The following CARMIL2 variants were observed in gnomAD, a reference collection of about 807,000 sequenced individuals.
CARMIL2 encodes the protein capping protein, Arp2/3 and myosin-I linker protein 2.
CARMIL2 carries 96 observed loss-of-function variants against 173.3 expected under a neutral mutation model. The observed-to-expected ratio is 0.55, with a 90% CI of 0.47 to 0.66. The LOEUF is 0.66. Among genes scored for constraint, CARMIL2 ranks in the 30% least tolerant of loss-of-function variants. CARMIL2 has a pLI of 0.00. For synonymous variants in CARMIL2, 830 were observed against 817.1 expected (o/e 1.02, Z -0.27); for missense variants, 1,771 against 1,906.7 (o/e 0.93, Z 1.33).
Position 67,651,622 on chromosome 16 carries a change from C to G in CARMIL2, c.2428-63C>G. ...ACTCAATATTCTGTTGGAGTTGGAGCCTCAAGCCAGCAGCCTGGTGTCTGG... is the reference window on the plus strand; with the variant it reads ...ACTCAATATTCTGTTGGAGTTGGAGGCTCAAGCCAGCAGCCTGGTGTCTGG... On this transcript the variant is annotated intron_variant, in intron 24 of 37. Transcript: ENST00000334583. The surrounding 1 kb of genome is among the most constrained non-coding windows in gnomAD (Gnocchi z 4.2). The G allele has an allele frequency of 2.5e-6, 4 of 1,578,798 alleles. No homozygotes were observed. In the South Asian group the frequency reaches 4.6e-5, roughly 18 times the overall value.
chr16:67,651,457 G>T lies in CARMIL2; in HGVS notation c.2370G>T (p.Gly790=). Residue 790 remains glycine, a synonymous_variant, in exon 24 of 38, where the codon GGG becomes GGT. Coordinates refer to ENST00000334583, the MANE Select transcript of CARMIL2 (RefSeq NM_001013838.3). The surrounding 1 kb of genome is among the most constrained non-coding windows in gnomAD (Gnocchi z 4.2). ...GSSPSHHWQL[G]QKLEGLLRQV... is the part of the protein sequence containing the mutation. ...CCCCAAGCCATCACTGGCAGCTTGG[G>T]CAGAAGCTGGAGGGCCTTCTGAGAC... The T allele has an allele frequency of 6.3e-7, 1 of 1,599,182 alleles. No homozygotes were observed. Among genetic ancestry groups the T allele is most frequent in the East Asian group, 2.2e-5 (1 of 44,684 alleles).
In CARMIL2 at chr16:67,647,269, G is replaced by T. The variant is rs781550019; in HGVS notation, c.688-30G>T. 3 of 1,610,418 alleles carry T rather than the reference G, an allele frequency of 1.9e-6. No individual in the cohort carries two copies. The Admixed American group carries it at 5.0e-5, about 27-fold the overall frequency. ...GCAGCCCGCTGAGGGCCAGGGTGCA[G>T]CCCGTGAGCCGCCGCCCTCTGCTTC... On this transcript the variant is annotated intron_variant, in intron 9 of 37. Transcript: ENST00000334583.
In CARMIL2 at chr16:67,648,036, C is replaced by T; in HGVS notation, c.1072-16C>T. The T allele has an allele frequency of 6.2e-7, 1 of 1,610,504 alleles. No homozygotes were observed. The highest frequency in any genetic ancestry group is 1.1e-5 in the South Asian group (1 of 90,238). ...AGGCGATCCCCCACTCCATCGCACC[C>T]CTGTCCTCCCTCCAGGGCCTCTATA... On this transcript the variant is annotated splice_polypyrimidine_tract_variant and intron_variant, in intron 13 of 37. Transcript: ENST00000334583. This position sits in a 1 kb window ranked among gnomAD's most constrained non-coding sequence, Gnocchi z 6.1.
Position 67,646,882 on chromosome 16 carries a change from C to A in CARMIL2, c.538-18C>A, listed in dbSNP as rs751484447. ...CTTGTGGCCCCAGGCGAACTGTAAG[C>A]ATCTCCTTCTCACCCAGGACGTGGA... On this transcript the variant is annotated intron_variant, in intron 7 of 37. Coordinates refer to ENST00000334583, the MANE Select transcript of CARMIL2 (RefSeq NM_001013838.3). The surrounding 1 kb of genome is among the most constrained non-coding windows in gnomAD (Gnocchi z 4.6). The A allele has an allele frequency of 7.4e-6, 12 of 1,613,780 alleles. No individual in the cohort carries two copies. The South Asian group carries it at 1.3e-4, about 18-fold the overall frequency.
chr16:67,648,046 C>T lies in CARMIL2; in HGVS notation c.1072-6C>T, dbSNP rs1422016432. 6.2e-7 allele frequency: 1 copy of T among 1,611,336 alleles called. No individual in the cohort carries two copies. The highest frequency in any genetic ancestry group is 1.3e-5 in the African/African-American group (1 of 74,968). The stretch of plus-strand genomic sequence containing the variant: ...CCACTCCATCGCACCCCTGTCCTCC[C>T]TCCAGGGCCTCTATAGCTTCCTGAG... On this transcript the variant is annotated splice_polypyrimidine_tract_variant and splice_region_variant and intron_variant, in intron 13 of 37. Transcript: ENST00000334583. The surrounding 1 kb of genome is among the most constrained non-coding windows in gnomAD (Gnocchi z 6.1).
chr16:67,654,820 T>G lies in CARMIL2; in HGVS notation c.3625T>G (p.Phe1209Val). The G allele has an allele frequency of 6.2e-7, 1 of 1,613,638 alleles. No homozygotes were observed. The highest frequency in any genetic ancestry group is 8.5e-7 in the Non-Finnish European group (1 of 1,179,886). The change falls in exon 32 of 38, where the codon TTT (phenylalanine) becomes GTT (valine). Residue 1209 changes from phenylalanine (F) to valine (V), a missense_variant. By Grantham distance (50) the Phe-to-Val change is conservative. This residue lies in a region of CARMIL2 where 817 missense variants were observed against 903.5 expected (regional missense o/e 0.90). Coordinates refer to ENST00000334583, the MANE Select transcript of CARMIL2 (RefSeq NM_001013838.3). ...ERGETELAPS[F>V]EQRVQVMLQR... is the part of the protein sequence containing the mutation. ...GGGAGAAACAGAACTGGCTCCATCCTTTGAACAGCGGGTACAAGTAATGCT... is the reference window on the plus strand; with the variant it reads ...GGGAGAAACAGAACTGGCTCCATCCGTTGAACAGCGGGTACAAGTAATGCT...
chr16:67,648,082 G>A lies in CARMIL2; in HGVS notation c.1102G>A (p.Val368Ile), dbSNP rs1368187867. 3.1e-6 allele frequency: 5 copies of A among 1,612,576 alleles called. No individual in the cohort carries two copies. Among genetic ancestry groups the A allele is most frequent in the South Asian group, 1.1e-5 (1 of 90,788 alleles). Residue 368 changes from valine (V) to isoleucine (I), a missense_variant, in exon 14 of 38, where the codon GTA (valine) becomes ATA (isoleucine). By Grantham distance (29) the Val-to-Ile change is conservative. This residue lies in a region of CARMIL2 where 944 missense variants were observed against 975.6 expected (regional missense o/e 0.97). Transcript: ENST00000334583. This position sits in a 1 kb window ranked among gnomAD's most constrained non-coding sequence, Gnocchi z 6.1. Reference protein sequence around the residue: ...GLYSFLSRPNVLSFLNLAGTD... With the variant: ...GLYSFLSRPNILSFLNLAGTD... ...CTATAGCTTCCTGAGCCGTCCTAAC[G>A]TACTGTCGTTCCTGAATCTCGCAGG...
At chr16:67,650,337 C>G (rs1396495330) in intron 22 of CARMIL2, 187 bp downstream of exon 22, 1 of 596,406 alleles carries the variant, frequency 1.7e-6, no homozygotes, top group Non-Finnish European at 3.0e-6. Flanking sequence ...CCAAATAACA[C>G]CCTTGGCTGC....
At chr16:67,655,429 CAAAA>C (rs1384533328) in intron 32 of CARMIL2, among the ~76,000 whole-genome samples, 1 of 151,836 alleles carries the variant, frequency 6.6e-6, no homozygotes, top group African/African-American at 2.4e-5. Context: ...AGACTCATCT[CAAAA>C]AAAGAAAAAG....
In CARMIL2 at chr16:67,651,415, A is replaced by G. The variant is rs372492301; in HGVS notation, c.2328A>G (p.Leu776=). ...ANFSLSILPI[L]YEAGSSPSHH... ...TTGGCCCTCAGATTCTCCCCATTCTATATGAAGCTGGAAGCTCCCCAAGCC... is the reference window on the plus strand; with the variant it reads ...TTGGCCCTCAGATTCTCCCCATTCTGTATGAAGCTGGAAGCTCCCCAAGCC... The change falls in exon 24 of 38, where the codon CTA becomes CTG. Residue 776 remains leucine (L), a synonymous_variant. Transcript: ENST00000334583. The surrounding 1 kb of genome is among the most constrained non-coding windows in gnomAD (Gnocchi z 4.2). 29 of 1,590,468 alleles carry G rather than the reference A, an allele frequency of 1.8e-5. No homozygotes were observed. The highest frequency in any genetic ancestry group is 8.1e-5 in the African/African-American group (6 of 74,288).
intron 29 of CARMIL2, 67 bp from the exon 30 acceptor site, chr16:67,654,082 G>GGGT: frequency 4.8e-6 from 1 of 208,996 alleles, no homozygotes. Flanking sequence ...CTGCCGGCCG[G>GGGT]GGGGGGGGGG....
Position 67,649,510 on chromosome 16 carries a change from G to A in CARMIL2, c.1810G>A (p.Ala604Thr). ...LKLGASVLLR[A>T]LATNPNLTAL... Reference sequence around the variant, plus strand: ...GCTGGGTGCCAGCGTCCTACTCCGGGCCCTAGCCACCAATCCTAACCTGAC... The same window carrying A: ...GCTGGGTGCCAGCGTCCTACTCCGGACCCTAGCCACCAATCCTAACCTGAC... The change falls in exon 20 of 38, where the codon GCC (alanine) becomes ACC (threonine). Residue 604 changes from alanine to threonine, a missense_variant. Ala to Thr is a moderately conservative substitution (Grantham distance 58). Around this residue, in one of 3 missense-constraint regions of CARMIL2, gnomAD observed 944 missense variants for 975.6 expected, o/e 0.97. Transcript: ENST00000334583. This position sits in a 1 kb window ranked among gnomAD's most constrained non-coding sequence, Gnocchi z 6.7. The A allele has an allele frequency of 6.2e-7, 1 of 1,608,828 alleles. No homozygotes were observed.
chr16:67,648,457 G>A lies in CARMIL2; in HGVS notation c.1394G>A (p.Arg465Gln). ...TTCCTCAGCCGCGCGCGGACGCTGC[G>A]GCACCTGGGCCTGGCGGGCTGCAAG... Reference protein sequence around the residue: ...QLFLSRARTLRHLGLAGCKLP... With the variant: ...QLFLSRARTLQHLGLAGCKLP... The change falls in exon 15 of 38, where the codon CGG (arginine) becomes CAG (glutamine). Residue 465 changes from arginine to glutamine, a missense_variant. Physicochemically the swap from Arg to Gln is conservative, Grantham distance 43. This residue lies in a region of CARMIL2 where 944 missense variants were observed against 975.6 expected (regional missense o/e 0.97). Transcript: ENST00000334583. The surrounding 1 kb of genome is among the most constrained non-coding windows in gnomAD (Gnocchi z 6.1). The A allele has an allele frequency of 1.4e-6, 2 of 1,451,966 alleles. No homozygotes were observed. Among genetic ancestry groups the A allele is most frequent in the South Asian group, 1.4e-5 (1 of 70,602 alleles). 89.9% of individuals were successfully genotyped at this position (1,451,966 alleles called of 1,614,324 possible).
In CARMIL2 at chr16:67,651,299, C is replaced by T. The variant is rs747951215; in HGVS notation, c.2297C>T (p.Ala766Val). 9 of 1,613,492 alleles carry T rather than the reference C, an allele frequency of 5.6e-6. No homozygotes were observed. Among genetic ancestry groups the T allele is most frequent in the Non-Finnish European group, 6.8e-6 (8 of 1,179,854 alleles). ...VRQAEDAIQN[A>V]NFSLSILPIL... ...CAGGCCGAGGATGCCATCCAAAATG[C>T]CAACTTCTCTCTCAGCGTGAGCACT... is the stretch of plus-strand genomic sequence containing the variant. The change falls in exon 23 of 38, where the codon GCC becomes GTC. Residue 766 changes from alanine to valine, a missense_variant. Ala to Val is a moderately conservative substitution (Grantham distance 64). This residue lies in a region of CARMIL2 where 817 missense variants were observed against 903.5 expected (regional missense o/e 0.90). Coordinates refer to ENST00000334583, the MANE Select transcript of CARMIL2 (RefSeq NM_001013838.3). The surrounding 1 kb of genome is among the most constrained non-coding windows in gnomAD (Gnocchi z 4.2).
Position 67,656,536 on chromosome 16 carries a change from T to C in CARMIL2, c.3927T>C (p.Asp1309=), listed in dbSNP as rs777930828. 1 of 1,613,472 alleles carries C rather than the reference T, an allele frequency of 6.2e-7. No individual in the cohort carries two copies. The highest frequency in any genetic ancestry group is 1.1e-5 in the South Asian group (1 of 91,068). ...GGAGCCGTGGTTGGGGCCAACAGGA[T>C]GGTCCAGGCCCTCCCTCCCCTGGTC... is the stretch of plus-strand genomic sequence containing the variant. The part of the protein sequence containing the change: ...ELRSRGWGQQ[D]GPGPPSPGQS... Residue 1309 remains aspartate (D), a synonymous_variant, in exon 35 of 38, where the codon GAT becomes GAC. Coordinates refer to ENST00000334583, the MANE Select transcript of CARMIL2 (RefSeq NM_001013838.3).
rs2052751560 is a variant in CARMIL2, at chr16:67,652,784, A to G, written c.2885-235A>G. On this transcript the variant is annotated intron_variant, in intron 28 of 37. Coordinates refer to ENST00000334583, the MANE Select transcript of CARMIL2 (RefSeq NM_001013838.3). The surrounding 1 kb of genome is among the most constrained non-coding windows in gnomAD (Gnocchi z 4.7). ...CTCGCCTCCCCGCGCCCCTTTCCCT[A>G]CCCCAGGGACGCGCATGCTGGGCGG... 6.6e-6 allele frequency among the ~76,000 whole-genome samples: 1 copy of G among 150,938 alleles called. No individual in the cohort carries two copies. Among genetic ancestry groups the G allele is most frequent in the South Asian group, 2.1e-4 (1 of 4,796 alleles).
rs1213365347 is a variant in CARMIL2, at chr16:67,651,090, C to T, written c.2185-97C>T. ...GTGGCTGGTCTAAGGGTGTCAGCTT[C>T]AGGACCTCCCTCTGTTAAAGAGCCT... On this transcript the variant is annotated intron_variant, in intron 22 of 37. Transcript: ENST00000334583. This position sits in a 1 kb window ranked among gnomAD's most constrained non-coding sequence, Gnocchi z 4.2. 1.4e-6 allele frequency: 2 copies of T among 1,446,396 alleles called. No individual in the cohort carries two copies. Among genetic ancestry groups the T allele is most frequent in the African/African-American group, 1.4e-5 (1 of 70,946 alleles). 89.6% of individuals were successfully genotyped at this position (1,446,396 alleles called of 1,614,324 possible).
Position 67,646,756 on chromosome 16 carries a change from G to A in CARMIL2, c.509G>A (p.Gly170Asp), listed in dbSNP as rs756368198. Residue 170 changes from glycine to aspartate, a missense_variant, in exon 7 of 38, where the codon GGC becomes GAC. Physicochemically the swap from Gly to Asp is moderately conservative, Grantham distance 94. This residue lies in a region of CARMIL2 where 944 missense variants were observed against 975.6 expected (regional missense o/e 0.97). Transcript: ENST00000334583. This position sits in a 1 kb window ranked among gnomAD's most constrained non-coding sequence, Gnocchi z 4.6. ...ETYEALCDYN[G>D]FPFREEIQWD... ...TACGAGGCTCTGTGTGACTACAATG[G>A]CTTCCCTTTCCGAGAGGAGATTCAG... The A allele has an allele frequency of 1.2e-6, 2 of 1,613,986 alleles. No homozygotes were observed. Among genetic ancestry groups the A allele is most frequent in the Admixed American group, 3.3e-5 (2 of 60,020 alleles).
chr16:67,656,116 T>G, intron 33 of CARMIL2, 49 bp downstream of exon 33: 2 of 1,611,160 alleles, frequency 1.2e-6, no homozygotes, highest in Non-Finnish European at 1.7e-6. Context: ...GAGGTGTCCT[T>G]ATAGACAGCC....
Sources: gnomAD v4.1 joint callset for allele counts (sites outside exome capture counted in the v4.1 genomes callset) on GRCh38, gnomAD v4.1.1 for gene constraint, gnomAD v4.1.1 regional missense constraint, Gnocchi (gnomAD v3.1) non-coding constraint, MANE v1.5 for transcripts, NCBI Gene and HGNC (gene_info 2026-07-23, HGNC 2026-07-21) for gene names.